Variants in RBKS observed in about 807,000 individuals in gnomAD.
RBKS encodes ribokinase.
RBKS carries 33 observed loss-of-function variants against 33.9 expected under a neutral mutation model. The observed-to-expected ratio is 0.97, with a 90% confidence interval of 0.74 to 1.30. The LOEUF (loss-of-function observed/expected upper bound fraction) is 1.30, where lower values mean the gene tolerates loss of function less well. Ranked by LOEUF, RBKS falls within the 50% of genes most tolerant of loss-of-function variation. RBKS has a pLI of 0.00. For missense variants in RBKS, 361 were observed against 392.6 expected, an observed-to-expected ratio of 0.92 and a Z score of 0.68; for synonymous variants, 125 against 143.0, an observed-to-expected ratio of 0.87 and a Z score of 0.90.
At chr2:27,855,745 G>C (rs1168540442) in intron 2 of RBKS, among the ~76,000 whole-genome samples, 1 of 152,098 alleles carries the variant, frequency 6.6e-6, no homozygotes, top group African/African-American at 2.4e-5. Context: ...TAAATAATGA[G>C]GTAACTCATT....
chr2:27,847,959 A>G (rs1663653909), intron 3 of RBKS, 75 bp downstream of exon 3: 1 of 825,068 alleles, frequency 1.2e-6, no homozygotes, highest in Non-Finnish European at 2.0e-6. Flanking sequence ...ATCCTCCTCT[A>G]GATTCAATTT....
intron 1 of RBKS, among the ~76,000 whole-genome samples, chr2:27,886,697 G>A (rs1378037433): frequency 6.6e-6 from 1 of 151,970 alleles, no homozygotes; most frequent in Non-Finnish European, 1.5e-5. Flanking sequence ...AATATAGCGA[G>A]AGCCCATCTT....
At chr2:27,830,478 C>CCCT (rs1678398080) in intron 6 of RBKS, among the ~76,000 whole-genome samples, 2 of 152,048 alleles carry the variant, frequency 1.3e-5, no homozygotes, top group South Asian at 4.2e-4. Context: ...GTTGGCCAGG[C>CCCT]TGGTCTTGAA....
intron 7 of RBKS, among the ~76,000 whole-genome samples, chr2:27,783,383 A>G (rs1467549568): frequency 2.6e-5 from 4 of 152,228 alleles, no homozygotes; most frequent in African/African-American, 9.6e-5. Context: ...ATGCACGCAG[A>G]AAGAGCTGAG....
chr2:27,809,895 C>A, intron 7 of RBKS: 1 of 1,291,832 alleles, frequency 7.7e-7, no homozygotes, highest in African/African-American at 1.5e-5. Context: ...AGTCATTGCA[C>A]AATGTTGTAT....
rs555335158 is a variant in RBKS at position 27,863,315 on chromosome 2, G to C, written c.90-4744C>G. ...TGAGAGGCCACGTGGTTAGAGCCTG[G>C]GTGTGCCAGGCAGGAGGCCTGAGCC... On this transcript the variant is annotated intron_variant, in intron 1 of 7. Transcript: ENST00000302188. Among the ~76,000 whole-genome samples, 251 of 152,282 alleles carry C rather than the reference G, an allele frequency of 1.6e-3. 1 individual carries two copies. The highest frequency in any genetic ancestry group is 5.8e-3 in the African/African-American group (242 of 41,554).
At chr2:27,798,094 A>C (rs1677695265) in intron 7 of RBKS, among the ~76,000 whole-genome samples, 1 of 152,094 alleles carries the variant, frequency 6.6e-6, no homozygotes, top group Admixed American at 6.6e-5. Flanking sequence ...ATGGCACTGA[A>C]GTCATCCCAC....
intron 1 of RBKS, among the ~76,000 whole-genome samples, chr2:27,864,722 T>C (rs536355391): frequency 6.6e-6 from 1 of 152,136 alleles, no homozygotes; most frequent in Non-Finnish European, 1.5e-5. Flanking sequence ...TAAATACTTA[T>C]ACTTTAGTTC....
intron 2 of RBKS, among the ~76,000 whole-genome samples, chr2:27,854,846 T>C (rs116507351): frequency 1.1e-4 from 16 of 152,140 alleles, no homozygotes; most frequent in African/African-American, 1.4e-4. Flanking sequence ...TGGGTTTGAA[T>C]ACATGCATAC....
chr2:27,821,298 T>G (rs1449182119), intron 7 of RBKS, among the ~76,000 whole-genome samples: 2 of 152,182 alleles, frequency 1.3e-5, no homozygotes, highest in Non-Finnish European at 2.9e-5. Context: ...TTTTCGTATT[T>G]CTTATTCAGT....
chr2:27,846,410 C>G (rs1453147676), intron 4 of RBKS, among the ~76,000 whole-genome samples: 6 of 152,168 alleles, frequency 3.9e-5, no homozygotes, highest in African/African-American at 1.4e-4. Context: ...CTCAAGTGAT[C>G]CTCCCACTTT....
At chr2:27,832,419 A>G (rs1298784413) in intron 6 of RBKS, among the ~76,000 whole-genome samples, 1 of 152,194 alleles carries the variant, frequency 6.6e-6, no homozygotes, top group Non-Finnish European at 1.5e-5. Flanking sequence ...AAAACAAAAC[A>G]CCAACAGTGT....
chr2:27,828,559 G>A (rs1311684719), intron 6 of RBKS, among the ~76,000 whole-genome samples: 1 of 152,120 alleles, frequency 6.6e-6, no homozygotes, highest in African/African-American at 2.4e-5. Flanking sequence ...AGCAGAAAAC[G>A]CAATGCCCTG....
At chr2:27,803,611 G>C (rs1384208316) in intron 7 of RBKS, among the ~76,000 whole-genome samples, 1 of 151,636 alleles carries the variant, frequency 6.6e-6, no homozygotes, top group Non-Finnish European at 1.5e-5. Flanking sequence ...GATTTATTGA[G>C]TCAGGGGGTG....
At chr2:27,789,986 TAGAGAG>T (rs368946256) in intron 7 of RBKS, among the ~76,000 whole-genome samples, 261 of 130,772 alleles carry the variant, frequency 2.0e-3, no homozygotes, top group Non-Finnish European at 2.8e-3. Flanking sequence ...TATATATATG[TAGAGAG>T]AGAGAGAGAG....
At chr2:27,871,413 G>A (rs1026558550) in intron 1 of RBKS, among the ~76,000 whole-genome samples, 16 of 152,152 alleles carry the variant, frequency 1.1e-4, no homozygotes, top group African/African-American at 1.7e-4. Context: ...CAATGCACCC[G>A]TAATTTAAAT....
At chr2:27,828,170 G>A (rs568302770) in intron 6 of RBKS, among the ~76,000 whole-genome samples, 5 of 152,206 alleles carry the variant, frequency 3.3e-5, no homozygotes, top group African/African-American at 1.2e-4. Context: ...AATACATACA[G>A]GGAAGAGGAA....
chr2:27,807,991 C>G (rs1677924963), intron 7 of RBKS, among the ~76,000 whole-genome samples: 1 of 152,214 alleles, frequency 6.6e-6, no homozygotes, highest in East Asian at 1.9e-4. Context: ...GTACTCCTCT[C>G]TAATTTACAG....
At chr2:27,858,709 A>G (rs1663910945) in intron 1 of RBKS, 138 bp from the exon 2 acceptor site, 2 of 704,858 alleles carry the variant, frequency 2.8e-6, no homozygotes, top group Non-Finnish European at 4.7e-6. Flanking sequence ...AGCAACGAAG[A>G]TTATCTCTTC....
Sources: gnomAD v4.1 joint callset for allele counts (sites outside exome capture counted in the v4.1 genomes callset) on GRCh38, gnomAD v4.1.1 for gene constraint, MANE v1.5 for transcripts, NCBI Gene and HGNC (gene_info 2026-07-23, HGNC 2026-07-21) for gene names.